DCAF10: variants seen among roughly 807,000 people sequenced by gnomAD.
The protein encoded by DCAF10 is DDB1 and CUL4 associated factor 10, also known as DDB1- and CUL4-associated factor 10.
In DCAF10, 19 loss-of-function variants were observed where a neutral mutation model predicts 51.9. That is an observed-to-expected ratio of 0.37 (90% CI 0.26 to 0.54). The LOEUF (loss-of-function observed/expected upper bound fraction) is 0.54. Ranked by LOEUF, DCAF10 falls within the 20% of genes least tolerant of loss-of-function variation. The probability of loss-of-function intolerance (pLI) is 0.87; values close to 1 mark genes in which losing one functional copy is unlikely to be tolerated. For synonymous variants in DCAF10, 291 were observed against 297.1 expected (o/e 0.98, Z 0.21); for missense variants, 510 against 730.6 (o/e 0.70, Z 3.48).
chr9:37,814,957 A>G (rs1263888196), intron 1 of DCAF10, among the ~76,000 whole-genome samples: 1 of 152,232 alleles, frequency 6.6e-6, no homozygotes, highest in African/African-American at 2.4e-5. Context: ...AGATAGAAAA[A>G]TCATAAACAA....
At chr9:37,805,662 C>T (rs1829092271) in intron 1 of DCAF10, among the ~76,000 whole-genome samples, 1 of 151,276 alleles carries the variant, frequency 6.6e-6, no homozygotes, top group Admixed American at 6.6e-5. Context: ...GAAAAAAATT[C>T]CAAAAGAAGG....
rs565055719 is a variant in DCAF10 at position 37,800,849 on chromosome 9, G to C, written c.-18G>C. The C allele has an allele frequency of 1.3e-3, 1,937 of 1,485,374 alleles. 9 individuals carry two copies. The highest frequency in any genetic ancestry group is 8.1e-3 in the South Asian group (606 of 75,124). 92.0% of individuals were successfully genotyped at this position (1,485,374 alleles called of 1,614,324 possible). ...CCGGCGGGGCAGTGGCCCGGAGCGG[G>C]GGGCGGGGGCGTTGATCATGTTTCC... On this transcript the variant is annotated 5_prime_UTR_variant, in exon 1 of 7. Coordinates refer to ENST00000377724, the MANE Select transcript of DCAF10 (RefSeq NM_024345.5).
At chr9:37,827,043 C>G (rs1334983911) in intron 2 of DCAF10, among the ~76,000 whole-genome samples, 1 of 152,008 alleles carries the variant, frequency 6.6e-6, no homozygotes, top group Non-Finnish European at 1.5e-5. Flanking sequence ...TCAGGGTAGT[C>G]TCGAACTCCC....
chr9:37,819,442 C>T, intron 2 of DCAF10, 41 bp downstream of exon 2: 1 of 1,462,144 alleles, frequency 6.8e-7, no homozygotes. Flanking sequence ...TCAGTGTGGC[C>T]CAAAATGTTC....
intron 2 of DCAF10, among the ~76,000 whole-genome samples, chr9:37,840,947 G>T (rs1221380449): frequency 1.3e-5 from 2 of 152,114 alleles, no homozygotes; most frequent in Admixed American, 1.3e-4. Flanking sequence ...ATGGTAACAT[G>T]CTGTGCACAT....
intron 2 of DCAF10, among the ~76,000 whole-genome samples, chr9:37,823,598 GC>G (rs201674191): frequency 3.6e-4 from 55 of 151,590 alleles, no homozygotes; most frequent in African/African-American, 8.5e-4. Flanking sequence ...AGTTTTTTTG[GC>G]GGGGGGTACA....
intron 1 of DCAF10, among the ~76,000 whole-genome samples, chr9:37,815,066 GA>G (rs1368318314): frequency 6.6e-6 from 1 of 152,014 alleles, no homozygotes; most frequent in Non-Finnish European, 1.5e-5. Flanking sequence ...TATATTAAAG[GA>G]AAAATATAGG....
intron 1 of DCAF10, among the ~76,000 whole-genome samples, chr9:37,814,253 C>G (rs751964147): frequency 3.4e-5 from 5 of 148,326 alleles, no homozygotes; most frequent in Non-Finnish European, 7.4e-5. Flanking sequence ...ATTCTCCTGC[C>G]TCAGCCTCCC....
At chr9:37,854,263 C>G in intron 3 of DCAF10, among the ~76,000 whole-genome samples, 1 of 152,010 alleles carries the variant, frequency 6.6e-6, no homozygotes, top group Admixed American at 6.6e-5. Context: ...CCACACTCAG[C>G]TAATTTATTT....
At chr9:37,803,542 T>C (rs890905313) in intron 1 of DCAF10, among the ~76,000 whole-genome samples, 4 of 151,726 alleles carry the variant, frequency 2.6e-5, no homozygotes, top group African/African-American at 9.7e-5. Context: ...TCCTACATTC[T>C]AGACACATGC....
At chr9:37,838,044 T>A (rs1360609925) in intron 2 of DCAF10, among the ~76,000 whole-genome samples, 1 of 151,976 alleles carries the variant, frequency 6.6e-6, no homozygotes, top group Non-Finnish European at 1.5e-5. Flanking sequence ...AAATTAAAAT[T>A]TTGATATGGG....
intron 1 of DCAF10, among the ~76,000 whole-genome samples, chr9:37,806,451 A>C (rs747887686): frequency 9.2e-5 from 14 of 152,304 alleles, no homozygotes; most frequent in South Asian, 4.1e-4. Flanking sequence ...AAAAAAATCC[A>C]TAGGCCCAGT....
chr9:37,800,962 C>T lies in DCAF10; in HGVS notation c.96C>T (p.Thr32=). 3 of 1,505,720 alleles carry T rather than the reference C, an allele frequency of 2.0e-6. No homozygotes were observed. Among genetic ancestry groups the T allele is most frequent in the Non-Finnish European group, 2.6e-6 (3 of 1,135,234 alleles). The allele number at this position is 1,505,720 out of a possible 1,614,324, so 93.3% of individuals were successfully genotyped here. A position where few individuals can be genotyped will look rare whatever the true frequency, so the allele number is the denominator to read the frequency against. The change falls in exon 1 of 7, where the codon ACC becomes ACT. Residue 32 remains threonine (T), a synonymous_variant. Transcript: ENST00000377724. ...CCCACGAGGGGCAGGCAGCAGCCAC[C>T]GGGCCGCCCTCGCCACTACATCCCG... ...PTPHEGQAAA[T]GPPSPLHPGA... is the part of the protein sequence containing the mutation.
chr9:37,861,617 C>T lies in DCAF10; in HGVS notation c.*109C>T. On this transcript the variant is annotated 3_prime_UTR_variant, in exon 7 of 7. Transcript: ENST00000377724. This position sits in a 1 kb window ranked among gnomAD's most constrained non-coding sequence, Gnocchi z 4.9. ...AGATCTTATAAGTTTGGGTCAAGATCCTGGTTCTTATGGGTCCATGAACAC... is the reference window on the plus strand; with the variant it reads ...AGATCTTATAAGTTTGGGTCAAGATTCTGGTTCTTATGGGTCCATGAACAC... 1 of 1,472,596 alleles carries T rather than the reference C, an allele frequency of 6.8e-7. No homozygotes were observed. The highest frequency in any genetic ancestry group is 9.0e-7 in the Non-Finnish European group (1 of 1,106,662). 91.2% of individuals were successfully genotyped at this position (1,472,596 alleles called of 1,614,324 possible).
At chr9:37,825,669 C>CT (rs1829829241) in intron 2 of DCAF10, among the ~76,000 whole-genome samples, 1 of 152,130 alleles carries the variant, frequency 6.6e-6, no homozygotes, top group South Asian at 2.1e-4. Context: ...CGGCAAACCT[C>CT]TATGACACAA....
At chr9:37,832,793 G>A (rs896758397) in intron 2 of DCAF10, among the ~76,000 whole-genome samples, 2 of 152,176 alleles carry the variant, frequency 1.3e-5, no homozygotes, top group African/African-American at 4.8e-5. Flanking sequence ...ACAGGACTAA[G>A]GAAAAAGGCT....
chr9:37,803,319 TTACAG>T (rs1447518764), intron 1 of DCAF10, among the ~76,000 whole-genome samples: 7 of 152,290 alleles, frequency 4.6e-5, no homozygotes, highest in East Asian at 1.9e-4. Context: ...GCTTTTTTTC[TTACAG>T]TAAATTGTGA....
intron 1 of DCAF10, among the ~76,000 whole-genome samples, chr9:37,808,045 A>G (rs1300623678): frequency 6.6e-6 from 1 of 152,188 alleles, no homozygotes; most frequent in Non-Finnish European, 1.5e-5. Context: ...CACAAGGAAC[A>G]GTTATAAAAT....
intron 2 of DCAF10, among the ~76,000 whole-genome samples, chr9:37,840,565 G>A (rs1202951262): frequency 1.3e-5 from 2 of 152,210 alleles, no homozygotes; most frequent in Admixed American, 1.3e-4. Flanking sequence ...CAATGTGTTT[G>A]TGTTTAAGCT....
Sources: allele counts gnomAD v4.1 joint callset (sites outside exome capture counted in the v4.1 genomes callset), GRCh38; gene constraint gnomAD v4.1.1; non-coding constraint Gnocchi (gnomAD v3.1); transcripts MANE v1.5; gene names NCBI Gene and HGNC (gene_info 2026-07-23, HGNC 2026-07-21).